Variants in EXOC5 observed in about 807,000 individuals in gnomAD.
The protein encoded by EXOC5 is SEC10-like 1.
In EXOC5, 17 loss-of-function variants were observed where a neutral mutation model predicts 90.8. The observed-to-expected ratio is 0.19, with a 90% CI of 0.13 to 0.28. The LOEUF is 0.28. Among genes scored for constraint, EXOC5 ranks in the 10% least tolerant of loss-of-function variants. The pLI, the probability that EXOC5 is intolerant of heterozygous loss-of-function variation, is 1.00. For synonymous variants in EXOC5, 260 were observed against 270.0 expected (o/e 0.96, Z 0.36); for missense variants, 569 against 830.6 (o/e 0.69, Z 3.87).
At chr14:57,233,131 G>C (rs998757258) in intron 9 of EXOC5, 1 of 158,410 alleles carries the variant, frequency 6.3e-6, no homozygotes, top group African/African-American at 2.4e-5. Context: ...ATGTCTATAG[G>C]CATTACTCCA....
At chr14:57,261,885 T>C (rs78487198) in intron 1 of EXOC5, among the ~76,000 whole-genome samples, 2 of 152,200 alleles carry the variant, frequency 1.3e-5, no homozygotes, top group East Asian at 1.9e-4. Context: ...AATCACTACA[T>C]AGCATCACTT....
At chr14:57,265,133 CTTTT>C (rs201754053) in intron 1 of EXOC5, among the ~76,000 whole-genome samples, 1 of 134,956 alleles carries the variant, frequency 7.4e-6, no homozygotes, top group Non-Finnish European at 1.6e-5. Context: ...TCACTGAACC[CTTTT>C]TTTTTTTTTT....
At chr14:57,249,840 C>T (rs369367747) in intron 1 of EXOC5, among the ~76,000 whole-genome samples, 29 of 152,202 alleles carry the variant, frequency 1.9e-4, no homozygotes, top group East Asian at 1.2e-3. Context: ...GGCATGATCT[C>T]GGCTCACCTC....
intron 12 of EXOC5, among the ~76,000 whole-genome samples, chr14:57,227,927 T>C (rs1883356663): frequency 1.4e-5 from 2 of 141,684 alleles, no homozygotes; most frequent in East Asian, 2.0e-4. Flanking sequence ...ATGAAATAAG[T>C]TTACATACAT....
chr14:57,247,858 A>AT lies in EXOC5; in HGVS notation c.28-147dup, dbSNP rs1884075031. On this transcript the variant is annotated intron_variant, in intron 1 of 17. Coordinates refer to ENST00000621441, the MANE Select transcript of EXOC5 (RefSeq NM_006544.4). ...ACATCTATATTATTAAAATGTACAG[A>AT]TTTTTTCAATTAAAAAATCTTCAAT... 4 of 437,490 alleles carry AT rather than the reference A, an allele frequency of 9.1e-6. No homozygotes were observed. The East Asian group carries it at 1.1e-4, about 12-fold the overall frequency. 27.1% of individuals were successfully genotyped at this position (437,490 alleles called of 1,614,324 possible).
intron 9 of EXOC5, chr14:57,233,369 C>A (rs1220095639): frequency 6.0e-6 from 1 of 165,628 alleles, no homozygotes; most frequent in Non-Finnish European, 1.3e-5. Context: ...CAGGTTAGTA[C>A]CATATTATTA....
chr14:57,265,209 C>T (rs1319711034), intron 1 of EXOC5, among the ~76,000 whole-genome samples: 1 of 151,078 alleles, frequency 6.6e-6, no homozygotes, highest in Non-Finnish European at 1.5e-5. Context: ...GCAGCCTCGT[C>T]AATTTCAGAA....
At position 57,231,673 on chromosome 14, in the gene EXOC5, A is replaced by C. The variant is rs768880887; in HGVS notation, c.981T>G (p.Gly327=). 1 of 1,611,560 alleles carries C rather than the reference A, an allele frequency of 6.2e-7. No homozygotes were observed. The highest frequency in any genetic ancestry group is 8.5e-7 in the Non-Finnish European group (1 of 1,179,124). ...LSSKLMEFNL[G]TDKQTFLSKL... is the part of the protein sequence containing the mutation. ...TAGACAAGAAAGTCTGTTTATCAGT[A>C]CCTAAATTAAACTCCATCAGCTTGC... Residue 327 remains glycine (G), a synonymous_variant, in exon 11 of 18, where the codon GGT becomes GGG. Coordinates refer to ENST00000621441, the MANE Select transcript of EXOC5 (RefSeq NM_006544.4).
At chr14:57,222,490 A>G (rs1883175002) in intron 12 of EXOC5, 74 bp from the exon 13 acceptor site, 4 of 736,668 alleles carry the variant, frequency 5.4e-6, no homozygotes, top group Admixed American at 5.0e-5. Flanking sequence ...TTAAGCAATC[A>G]ATTTTTTATA....
intron 1 of EXOC5, among the ~76,000 whole-genome samples, chr14:57,266,849 A>G (rs1270408381): frequency 7.0e-6 from 1 of 143,736 alleles, no homozygotes; most frequent in Non-Finnish European, 1.5e-5. Context: ...GGGAGAGGGG[A>G]AAAAAAAAAA....
At chr14:57,242,581 A>T (rs1003783128) in intron 4 of EXOC5, among the ~76,000 whole-genome samples, 9 of 152,142 alleles carry the variant, frequency 5.9e-5, no homozygotes, top group Non-Finnish European at 1.5e-5. Context: ...AACAAAAATG[A>T]CTAGGGGGAA....
intron 15 of EXOC5, among the ~76,000 whole-genome samples, chr14:57,212,705 G>C (rs1882865099): frequency 6.6e-6 from 1 of 152,204 alleles, no homozygotes. Context: ...ATGACCAGCA[G>C]ATGCTTTATC....
At chr14:57,241,376 C>T (rs1447238861) in intron 4 of EXOC5, among the ~76,000 whole-genome samples, 4 of 152,236 alleles carry the variant, frequency 2.6e-5, no homozygotes, top group African/African-American at 9.6e-5. Context: ...TATCTGTCCT[C>T]ACCATGCCAT....
chr14:57,231,076 T>C (rs2139634509), intron 11 of EXOC5, among the ~76,000 whole-genome samples: 1 of 151,924 alleles, frequency 6.6e-6, no homozygotes, highest in South Asian at 2.1e-4. Context: ...TGGCGTAATC[T>C]TGGCTCACTG....
chr14:57,227,246 T>C (rs1883335006), intron 12 of EXOC5, among the ~76,000 whole-genome samples: 1 of 151,988 alleles, frequency 6.6e-6, no homozygotes, highest in Non-Finnish European at 1.5e-5. Flanking sequence ...AAAACTATAA[T>C]CAAATATCAC....
chr14:57,218,122 A>G lies in EXOC5; in HGVS notation c.1527-54T>C, dbSNP rs1239929121. On this transcript the variant is annotated intron_variant, in intron 14 of 17. Coordinates refer to ENST00000621441, the MANE Select transcript of EXOC5 (RefSeq NM_006544.4). Reference sequence around the variant, plus strand: ...TCATATTAATAGTCTAATATTTTCTAAAAGTTTTTCATACACCTATGTGTA... The same window carrying G: ...TCATATTAATAGTCTAATATTTTCTGAAAGTTTTTCATACACCTATGTGTA... The G allele has an allele frequency of 7.9e-6, 7 of 890,872 alleles. No homozygotes were observed. The African/African-American group carries it at 8.5e-5, about 11-fold the overall frequency. 55.2% of individuals were successfully genotyped at this position (890,872 alleles called of 1,614,324 possible).
chr14:57,256,761 T>C (rs1401278901), intron 1 of EXOC5, among the ~76,000 whole-genome samples: 1 of 152,134 alleles, frequency 6.6e-6, no homozygotes, highest in East Asian at 1.9e-4. Context: ...CCCAATGTGA[T>C]CCATACCCAA....
chr14:57,235,673 G>T, intron 7 of EXOC5, 38 bp downstream of exon 7: 1 of 1,037,244 alleles, frequency 9.6e-7, no homozygotes, highest in Non-Finnish European at 1.5e-6. Context: ...AATTTCCATA[G>T]CCTTGAACAC....
chr14:57,231,428 C>T (rs1197981577), intron 11 of EXOC5, 78 bp downstream of exon 11: 17 of 891,178 alleles, frequency 1.9e-5, no homozygotes, highest in Non-Finnish European at 2.6e-5. Flanking sequence ...TGATAGTCAA[C>T]ATTTGATAAT....
Sources: allele counts gnomAD v4.1 joint callset (sites outside exome capture counted in the v4.1 genomes callset), GRCh38; gene constraint gnomAD v4.1.1; transcripts MANE v1.5; gene names NCBI Gene and HGNC (gene_info 2026-07-23, HGNC 2026-07-21).